The following SPON1 variants were observed in gnomAD, a reference collection of about 807,000 sequenced individuals.
SPON1 encodes spondin 1, also known as spondin-1.
Under a neutral mutation model 111.7 loss-of-function variants are expected in SPON1, and 52 were observed. That is an observed-to-expected ratio of 0.47 (90% CI 0.37 to 0.59). SPON1 has a LOEUF of 0.59. Among genes scored for constraint, SPON1 ranks in the 20% least tolerant of loss-of-function variants. The pLI is 0.00. For missense variants in SPON1, 957 were observed against 1,068.5 expected, an observed-to-expected ratio of 0.90 and a Z score of 1.46; for synonymous variants, 410 against 395.8, an observed-to-expected ratio of 1.04 and a Z score of -0.43.
chr11:14,065,689 T>C (rs149202488), intron 3 of SPON1, among the ~76,000 whole-genome samples: 99 of 152,368 alleles, frequency 6.5e-4, no homozygotes, highest in African/African-American at 2.2e-3. Flanking sequence ...GCGTATCTAC[T>C]GTCATATATT....
chr11:14,264,299 G>A (rs1849232253), intron 15 of SPON1, among the ~76,000 whole-genome samples: 1 of 152,148 alleles, frequency 6.6e-6, no homozygotes, highest in Admixed American at 6.5e-5. Flanking sequence ...GACCTGTGTT[G>A]ACTGATTTGG....
Position 14,064,493 on chromosome 11 carries a change from C to A in SPON1, c.480-10852C>A, listed in dbSNP as rs144488082. On this transcript the variant is annotated intron_variant, in intron 3 of 15. Transcript: ENST00000576479. ...CACATCCACACAGTAAAGCTGAATT[C>A]AGGTACTTGGGGAGGGGGGTATCAG... 6.0e-4 allele frequency among the ~76,000 whole-genome samples: 91 copies of A among 152,302 alleles called. 1 individual carries two copies. The East Asian group carries it at 0.016, about 27-fold the overall frequency.
intron 5 of SPON1, among the ~76,000 whole-genome samples, chr11:14,090,823 G>GC (rs1360339677): frequency 3.7e-4 from 10 of 27,056 alleles, no homozygotes; most frequent in Middle Eastern, 0.014. Context: ...TCTCTTATCT[G>GC]GCCCCCCCCC....
chr11:14,147,423 C>T (rs534724561), intron 6 of SPON1, among the ~76,000 whole-genome samples: 3 of 151,412 alleles, frequency 2.0e-5, no homozygotes, highest in African/African-American at 7.3e-5. Flanking sequence ...AAACTAAAAA[C>T]ATTTCTTTTT....
At chr11:14,172,150 G>A (rs1394491430) in intron 6 of SPON1, among the ~76,000 whole-genome samples, 5 of 151,950 alleles carry the variant, frequency 3.3e-5, no homozygotes, top group African/African-American at 4.8e-5. Flanking sequence ...GGTCACTAAG[G>A]ACTTGCTTTA....
At chr11:14,076,300 G>A (rs972653722) in intron 4 of SPON1, among the ~76,000 whole-genome samples, 1 of 152,050 alleles carries the variant, frequency 6.6e-6, no homozygotes, top group Non-Finnish European at 1.5e-5. Context: ...ATTTTTATTT[G>A]CATTTAGAGC....
intron 1 of SPON1, among the ~76,000 whole-genome samples, chr11:13,972,251 C>T (rs1171020113): frequency 6.6e-6 from 1 of 152,176 alleles, no homozygotes; most frequent in Non-Finnish European, 1.5e-5. Context: ...GCTATTTTGG[C>T]AGCTGTGCCG....
intron 8 of SPON1, among the ~76,000 whole-genome samples, 194 bp from the exon 9 acceptor site, chr11:14,255,453 G>A (rs2303975): frequency 0.15 from 22,282 of 152,136 alleles, 1,842 homozygotes; most frequent in African/African-American, 0.19. Flanking sequence ...CCATGGACAT[G>A]GAAGAATTTT....
At chr11:14,186,215 A>T (rs59552794) in intron 6 of SPON1, among the ~76,000 whole-genome samples, 276 of 152,372 alleles carry the variant, frequency 1.8e-3, no homozygotes, top group African/African-American at 6.5e-3. Flanking sequence ...CAACAACAGT[A>T]AATGCATCCA....
intron 15 of SPON1, among the ~76,000 whole-genome samples, chr11:14,264,857 A>G (rs947272379): frequency 6.6e-6 from 1 of 152,354 alleles, no homozygotes; most frequent in East Asian, 1.9e-4. Context: ...CTGAGTAGGA[A>G]GAACAAAAAT....
chr11:14,017,774 C>G (rs111411753), intron 2 of SPON1, among the ~76,000 whole-genome samples: 35 of 152,316 alleles, frequency 2.3e-4, no homozygotes, highest in African/African-American at 7.9e-4. Context: ...TACTATTTGG[C>G]TATTTCAAAA....
chr11:14,087,833 G>C (rs1849018555), intron 5 of SPON1, among the ~76,000 whole-genome samples: 1 of 151,822 alleles, frequency 6.6e-6, no homozygotes, highest in Non-Finnish European at 1.5e-5. Flanking sequence ...CTGTATTGGG[G>C]GCACATATAT....
In SPON1 at chr11:14,265,780, G is replaced by A. The variant is rs187302940; in HGVS notation, c.*93G>A. On this transcript the variant is annotated 3_prime_UTR_variant, in exon 16 of 16. Transcript: ENST00000576479. The stretch of plus-strand genomic sequence containing the variant: ...GTTTAAGACAATTTAAATTGTGTAC[G>A]CTAGTTTTCATTTTTGCAGTGTGGT... 116 of 1,401,028 alleles carry A rather than the reference G, an allele frequency of 8.3e-5. No individual in the cohort carries two copies. In the East Asian group the frequency reaches 1.0e-3, roughly 12 times the overall value. The allele number at this position is 1,401,028 out of a possible 1,614,324, so 86.8% of individuals were successfully genotyped here. A position where few individuals can be genotyped will look rare whatever the true frequency, so the allele number is the denominator to read the frequency against.
At position 14,076,289 on chromosome 11, in the gene SPON1, A is replaced by C. The variant is rs970525041; in HGVS notation, c.553+871A>C. 1.6e-4 allele frequency among the ~76,000 whole-genome samples: 24 copies of C among 152,208 alleles called. 1 individual carries two copies. The highest frequency in any genetic ancestry group is 1.6e-3 in the Admixed American group (24 of 15,280). ...ATCTCATTTCTATTTAATTTTGCAG[A>C]ATTTTTATTTGCATTTAGAGCAATT... On this transcript the variant is annotated intron_variant, in intron 4 of 15. Coordinates refer to ENST00000576479, the MANE Select transcript of SPON1 (RefSeq NM_006108.4).
At chr11:14,097,345 G>A (rs1002629688) in intron 5 of SPON1, among the ~76,000 whole-genome samples, 1 of 152,192 alleles carries the variant, frequency 6.6e-6, no homozygotes, top group Non-Finnish European at 1.5e-5. Context: ...ACTGAGACTT[G>A]AAGAGATTTT....
intron 6 of SPON1, among the ~76,000 whole-genome samples, chr11:14,216,702 A>T (rs1848630000): frequency 6.6e-6 from 1 of 152,118 alleles, no homozygotes; most frequent in East Asian, 1.9e-4. Flanking sequence ...CTCTTCAAAT[A>T]ACTAGCCCAC....
chr11:14,034,340 C>A (rs1848579360), intron 2 of SPON1, among the ~76,000 whole-genome samples: 1 of 151,130 alleles, frequency 6.6e-6, no homozygotes. Context: ...GAATGACTGC[C>A]ATTTAGTTGG....
At chr11:14,051,178 C>T (rs1848704794) in intron 3 of SPON1, among the ~76,000 whole-genome samples, 1 of 152,098 alleles carries the variant, frequency 6.6e-6, no homozygotes, top group Non-Finnish European at 1.5e-5. Context: ...GGAGGTGGGA[C>T]CTTTGTGCTA....
At chr11:14,260,108 C>A (rs1313911948) in intron 13 of SPON1, among the ~76,000 whole-genome samples, 1 of 152,208 alleles carries the variant, frequency 6.6e-6, no homozygotes, top group Non-Finnish European at 1.5e-5. Context: ...TAAAGCATGA[C>A]CTCCCCTGCT....
Sources: gnomAD v4.1 joint callset for allele counts (sites outside exome capture counted in the v4.1 genomes callset) on GRCh38, gnomAD v4.1.1 for gene constraint, MANE v1.5 for transcripts, NCBI Gene and HGNC (gene_info 2026-07-23, HGNC 2026-07-21) for gene names.